The following XKR4 variants were observed in gnomAD, a reference collection of about 807,000 sequenced individuals.
The protein encoded by XKR4 is XK-related protein 4.
Under a neutral mutation model 53.9 loss-of-function variants are expected in XKR4, and 12 were observed. That is an observed-to-expected ratio of 0.22 (90% CI 0.14 to 0.36). XKR4 has a LOEUF of 0.36. Among genes scored for constraint, XKR4 ranks in the 10% least tolerant of loss-of-function variants. The probability of loss-of-function intolerance (pLI) is 1.00; values close to 1 mark genes in which losing one functional copy is unlikely to be tolerated. For synonymous variants in XKR4, 354 were observed against 362.4 expected, an observed-to-expected ratio of 0.98 and a Z score of 0.26; for missense variants, 799 against 859.5, an observed-to-expected ratio of 0.93 and a Z score of 0.88.
At chr8:55,487,669 A>G (rs551580794) in intron 2 of XKR4, among the ~76,000 whole-genome samples, 2 of 152,214 alleles carry the variant, frequency 1.3e-5, no homozygotes, top group East Asian at 3.9e-4. Context: ...GGGTTTCACC[A>G]TGTTGGCCAG....
chr8:55,387,628 C>A (rs55889184), intron 2 of XKR4, among the ~76,000 whole-genome samples: 11 of 152,102 alleles, frequency 7.2e-5, no homozygotes, highest in African/African-American at 2.7e-4. Context: ...AGGACATAGA[C>A]CTTCTGCCCT....
intron 2 of XKR4, among the ~76,000 whole-genome samples, chr8:55,490,651 C>T (rs1183093632): frequency 6.6e-6 from 1 of 152,176 alleles, no homozygotes; most frequent in African/African-American, 2.4e-5. Flanking sequence ...TGTCTCCTGG[C>T]TTGCATTGTT....
At chr8:55,321,806 T>C (rs1191761949) in intron 1 of XKR4, among the ~76,000 whole-genome samples, 2 of 152,074 alleles carry the variant, frequency 1.3e-5, no homozygotes, top group Non-Finnish European at 2.9e-5. Context: ...CTGGCCAACG[T>C]GGTGAAACCC....
In XKR4 at chr8:55,497,276, C is replaced by A. The variant is rs139725869; in HGVS notation, c.1007-26005C>A. Among the ~76,000 whole-genome samples the A allele has an allele frequency of 3.1e-3, 474 of 152,202 alleles. 2 individuals carry two copies. Among genetic ancestry groups the A allele is most frequent in the African/African-American group, 0.011 (449 of 41,524 alleles). ...AAATGTATATGTGCTGATCAAAATA[C>A]AATAATGAAAAAGGCTCTGATAAGG... On this transcript the variant is annotated intron_variant, in intron 2 of 2. Transcript: ENST00000327381.
At chr8:55,514,778 A>G (rs1806686880) in intron 2 of XKR4, among the ~76,000 whole-genome samples, 1 of 152,140 alleles carries the variant, frequency 6.6e-6, no homozygotes, top group Non-Finnish European at 1.5e-5. Flanking sequence ...CAGGTTACTT[A>G]TTGTATCATC....
intron 2 of XKR4, among the ~76,000 whole-genome samples, chr8:55,466,721 T>C (rs908616204): frequency 1.3e-5 from 2 of 152,132 alleles, no homozygotes; most frequent in East Asian, 1.9e-4. Context: ...ACTCTTTCCA[T>C]GTAATATATG....
chr8:55,117,158 T>G (rs1287714236), intron 1 of XKR4, among the ~76,000 whole-genome samples: 1 of 152,242 alleles, frequency 6.6e-6, no homozygotes, highest in Non-Finnish European at 1.5e-5. Flanking sequence ...ATTGTGTATG[T>G]GGCTTGCATT....
At chr8:55,436,462 C>A (rs1180355614) in intron 2 of XKR4, among the ~76,000 whole-genome samples, 1 of 152,196 alleles carries the variant, frequency 6.6e-6, no homozygotes, top group Non-Finnish European at 1.5e-5. Context: ...TGGTGTTGCA[C>A]AGAAGTTGAA....
intron 1 of XKR4, among the ~76,000 whole-genome samples, chr8:55,280,911 A>C (rs2129373840): frequency 6.6e-6 from 1 of 152,330 alleles, no homozygotes; most frequent in African/African-American, 2.4e-5. Context: ...TAAACAACAA[A>C]ATTAAATCTT....
At chr8:55,264,582 G>A (rs1027834988) in intron 1 of XKR4, among the ~76,000 whole-genome samples, 29 of 152,158 alleles carry the variant, frequency 1.9e-4, no homozygotes, top group African/African-American at 5.5e-4. Context: ...GCCACATTTC[G>A]TACCTTAGTA....
At chr8:55,397,793 G>A (rs765174678) in intron 2 of XKR4, among the ~76,000 whole-genome samples, 14 of 152,024 alleles carry the variant, frequency 9.2e-5, no homozygotes, top group Non-Finnish European at 1.6e-4. Context: ...TAAAAACCTC[G>A]GTGTCTTGGT....
chr8:55,491,856 T>C (rs928918940), intron 2 of XKR4, among the ~76,000 whole-genome samples: 2 of 152,186 alleles, frequency 1.3e-5, no homozygotes, highest in African/African-American at 2.4e-5. Context: ...CTGAGAATTG[T>C]TCCGTTTACA....
rs1563474333 is a variant in XKR4 at position 55,171,703 on chromosome 8, C to CACTGACAGCCTACAT, written c.806+68409_806+68410insACTGACAGCCTACAT. Among the ~76,000 whole-genome samples, 192 of 152,322 alleles carry CACTGACAGCCTACAT rather than the reference C, an allele frequency of 1.3e-3. 1 individual carries two copies. The highest frequency in any genetic ancestry group is 4.4e-3 in the African/African-American group (182 of 41,574). ...AGCCTGCCAACACTGACAGCCTACA[C>CACTGACAGCCTACAT]TGTCAGCCACAGACCCAGGCATTGC... is the stretch of plus-strand genomic sequence containing the variant. On this transcript the variant is annotated intron_variant, in intron 1 of 2. Transcript: ENST00000327381.
intron 2 of XKR4, among the ~76,000 whole-genome samples, chr8:55,439,786 G>A (rs1805238719): frequency 6.6e-6 from 1 of 152,172 alleles, no homozygotes; most frequent in South Asian, 2.1e-4. Context: ...AAGGAAATTA[G>A]AGATAGGCTA....
chr8:55,142,516 A>T (rs147697035), intron 1 of XKR4, among the ~76,000 whole-genome samples: 70 of 152,380 alleles, frequency 4.6e-4, no homozygotes, highest in African/African-American at 1.6e-3. Context: ...TATATTTTAA[A>T]ATATAAATGC....
intron 2 of XKR4, among the ~76,000 whole-genome samples, chr8:55,475,936 A>T (rs1347051807): frequency 6.6e-6 from 1 of 151,852 alleles, no homozygotes; most frequent in Non-Finnish European, 1.5e-5. Context: ...CTGTAGACAC[A>T]GGGTTTTGCC....
chr8:55,341,870 C>A (rs1443944469), intron 1 of XKR4, among the ~76,000 whole-genome samples: 1 of 151,940 alleles, frequency 6.6e-6, no homozygotes, highest in African/African-American at 2.4e-5. Context: ...TCGGTGGGCA[C>A]TGAACCCACT....
chr8:55,244,547 T>A (rs1170522730), intron 1 of XKR4, among the ~76,000 whole-genome samples: 1 of 152,230 alleles, frequency 6.6e-6, no homozygotes, highest in East Asian at 1.9e-4. Context: ...TGTGTCTTTA[T>A]GGTAGAAATA....
chr8:55,390,052 A>G (rs971197373), intron 2 of XKR4, among the ~76,000 whole-genome samples: 3 of 152,178 alleles, frequency 2.0e-5, no homozygotes, highest in African/African-American at 7.2e-5. Context: ...ACAAACTTTA[A>G]CAAATGGAAA....
Sources: gnomAD v4.1 joint callset for allele counts (sites outside exome capture counted in the v4.1 genomes callset) on GRCh38, gnomAD v4.1.1 for gene constraint, MANE v1.5 for transcripts, NCBI Gene and HGNC (gene_info 2026-07-23, HGNC 2026-07-21) for gene names.